ADAMTS20: variants seen among roughly 807,000 people sequenced by gnomAD.
The protein encoded by ADAMTS20 is A disintegrin and metalloproteinase with thrombospondin motifs 20.
In ADAMTS20, 225 loss-of-function variants were observed where a neutral mutation model predicts 260.1. The ratio of observed to expected loss-of-function variants is 0.87; its 90% confidence interval spans 0.78 to 0.97. ADAMTS20 has a LOEUF of 0.97. ADAMTS20 is among the 50% of genes least tolerant of loss of function. The pLI, the probability that ADAMTS20 is intolerant of heterozygous loss-of-function variation, is 0.00. For synonymous variants in ADAMTS20, 802 were observed against 769.5 expected, an observed-to-expected ratio of 1.04 and a Z score of -0.70; for missense variants, 2,400 against 2,337.7, an observed-to-expected ratio of 1.03 and a Z score of -0.55.
intron 28 of ADAMTS20, among the ~76,000 whole-genome samples, chr12:43,417,548 G>T (rs1941154488): frequency 6.6e-6 from 1 of 152,084 alleles, no homozygotes; most frequent in Non-Finnish European, 1.5e-5. Flanking sequence ...AGCGGTCAAT[G>T]GTGGCTATAA....
In ADAMTS20 at chr12:43,490,410, T is replaced by G; in HGVS notation, c.1102A>C (p.Lys368Gln). ...TREDICSSKE[K>Q]CNMLGLSYLG... ...AATAACTTACCTAACATGTTACATT[T>G]CTCTTTAGATGAACAAATGTCTTCC... Residue 368 changes from lysine (K) to glutamine (Q), a missense_variant, in exon 7 of 39, where the codon AAA becomes CAA. Physicochemically the swap from Lys to Gln is moderately conservative, Grantham distance 53. Coordinates refer to ENST00000389420, the MANE Select transcript of ADAMTS20 (RefSeq NM_025003.5). 1 of 1,290,924 alleles carries G rather than the reference T, an allele frequency of 7.7e-7. No homozygotes were observed. The highest frequency in any genetic ancestry group is 1.5e-5 in the African/African-American group (1 of 64,896). 80.0% of individuals were successfully genotyped at this position (1,290,924 alleles called of 1,614,324 possible). A position where few individuals can be genotyped will look rare whatever the true frequency, so the allele number is the denominator to read the frequency against.
chr12:43,406,587 T>C (rs1022012151), intron 28 of ADAMTS20, among the ~76,000 whole-genome samples: 1 of 152,082 alleles, frequency 6.6e-6, no homozygotes, highest in Non-Finnish European at 1.5e-5. Context: ...TCCCTGTATA[T>C]GTCTTTCATT....
At chr12:43,441,267 C>A (rs1475777630) in intron 16 of ADAMTS20, among the ~76,000 whole-genome samples, 1 of 151,670 alleles carries the variant, frequency 6.6e-6, no homozygotes, top group Admixed American at 6.6e-5. Flanking sequence ...CTCTTTTTCC[C>A]AGTGACAGAC....
At chr12:43,442,930 C>A (rs1341185519) in intron 16 of ADAMTS20, among the ~76,000 whole-genome samples, 1 of 152,148 alleles carries the variant, frequency 6.6e-6, no homozygotes, top group African/African-American at 2.4e-5. Flanking sequence ...CAGAAGGAAA[C>A]CTTGTACTCA....
intron 3 of ADAMTS20, among the ~76,000 whole-genome samples, chr12:43,529,366 A>C (rs1369911763): frequency 6.6e-6 from 1 of 152,184 alleles, no homozygotes; most frequent in Non-Finnish European, 1.5e-5. Flanking sequence ...TGTTTATTGC[A>C]GTCAAATTCA....
intron 3 of ADAMTS20, among the ~76,000 whole-genome samples, chr12:43,511,448 T>C (rs983158361): frequency 3.9e-5 from 6 of 152,018 alleles, no homozygotes; most frequent in African/African-American, 1.4e-4. Flanking sequence ...TTGGGCAATA[T>C]GTTCTGCCTT....
chr12:43,488,642 G>A (rs1316194127), intron 7 of ADAMTS20, among the ~76,000 whole-genome samples: 1 of 152,160 alleles, frequency 6.6e-6, no homozygotes, highest in East Asian at 1.9e-4. Flanking sequence ...TATAAAGGTA[G>A]AAGCAAAACA....
intron 28 of ADAMTS20, among the ~76,000 whole-genome samples, chr12:43,413,107 C>A (rs1436423061): frequency 6.6e-6 from 1 of 152,002 alleles, no homozygotes; most frequent in Non-Finnish European, 1.5e-5. Flanking sequence ...CCGTGCCTGG[C>A]CGGTAATAAT....
At chr12:43,420,813 T>C (rs1941216013) in intron 28 of ADAMTS20, among the ~76,000 whole-genome samples, 1 of 128,386 alleles carries the variant, frequency 7.8e-6, no homozygotes, top group African/African-American at 3.0e-5. Context: ...TTTTTTTTTT[T>C]TTTTTTTTTT....
At chr12:43,550,799 C>A in intron 2 of ADAMTS20, 110 bp downstream of exon 2, 1 of 1,411,848 alleles carries the variant, frequency 7.1e-7, no homozygotes, top group African/African-American at 1.4e-5. Context: ...TGTAGCCCAA[C>A]CTGAACTCCA....
chr12:43,483,892 G>T (rs1942479567), intron 7 of ADAMTS20, among the ~76,000 whole-genome samples: 1 of 152,162 alleles, frequency 6.6e-6, no homozygotes, highest in Non-Finnish European at 1.5e-5. Context: ...AGTGAATAAA[G>T]TAATTGGGAT....
chr12:43,497,276 T>G (rs1161539656), intron 4 of ADAMTS20, among the ~76,000 whole-genome samples: 3 of 152,200 alleles, frequency 2.0e-5, no homozygotes, highest in Admixed American at 6.5e-5. Flanking sequence ...AAGAAAATTC[T>G]AGGCAAAATA....
rs1318522871 is a variant in ADAMTS20 at position 43,427,573 on chromosome 12, C to CT, written c.3946-105dup. 37 of 1,113,322 alleles carry CT rather than the reference C, an allele frequency of 3.3e-5. No individual in the cohort carries two copies. The African/African-American group carries it at 4.3e-4, about 13-fold the overall frequency. 69.0% of individuals were successfully genotyped at this position (1,113,322 alleles called of 1,614,324 possible). ...GCATTGACTCAATCAAAATCAAACC[C>CT]TACATTAGAATCTCCTTCATTGGAA... On this transcript the variant is annotated intron_variant, in intron 26 of 38. Coordinates refer to ENST00000389420, the MANE Select transcript of ADAMTS20 (RefSeq NM_025003.5).
rs765596275 is a variant in ADAMTS20, at chr12:43,443,916, C to A, written c.2198-33G>T. ...ATAATTTTACATATGTTAAATTTCA[C>A]AAAAAGCAGATGGCCCAGAGGTTAT... On this transcript the variant is annotated intron_variant, in intron 15 of 38. Transcript: ENST00000389420. 16 of 1,575,334 alleles carry A rather than the reference C, an allele frequency of 1.0e-5. No individual in the cohort carries two copies. In the South Asian group the frequency reaches 1.8e-4, roughly 18 times the overall value.
At position 43,551,781 on chromosome 12, in the gene ADAMTS20, G is replaced by A. The variant is rs757865982; in HGVS notation, c.91+50C>T. 1 of 1,586,142 alleles carries A rather than the reference G, an allele frequency of 6.3e-7. No homozygotes were observed. Among genetic ancestry groups the A allele is most frequent in the South Asian group, 1.1e-5 (1 of 90,352 alleles). ...TCCCCGCGACCTGCATGTCCCACTC[G>A]GGCCCCGCGCCCCCACTTAGCCGCT... is the stretch of plus-strand genomic sequence containing the variant. On this transcript the variant is annotated intron_variant, in intron 1 of 38. Coordinates refer to ENST00000389420, the MANE Select transcript of ADAMTS20 (RefSeq NM_025003.5). The surrounding 1 kb of genome is among the most constrained non-coding windows in gnomAD (Gnocchi z 4.6).
chr12:43,491,249 G>T (rs1942595614), intron 6 of ADAMTS20, among the ~76,000 whole-genome samples: 2 of 152,064 alleles, frequency 1.3e-5, no homozygotes, highest in African/African-American at 2.4e-5. Flanking sequence ...TACTGTACAG[G>T]TTTGTAGCCT....
chr12:43,390,204 G>T (rs893166473), intron 29 of ADAMTS20, among the ~76,000 whole-genome samples: 1 of 152,154 alleles, frequency 6.6e-6, no homozygotes, highest in African/African-American at 2.4e-5. Flanking sequence ...ATGCTGTTGG[G>T]AGGCCATCCT....
chr12:43,366,478 T>C (rs575207893), intron 37 of ADAMTS20, among the ~76,000 whole-genome samples: 17 of 151,852 alleles, frequency 1.1e-4, no homozygotes, highest in Non-Finnish European at 2.4e-4. Flanking sequence ...CTGTAGTCTA[T>C]AGAACACTTC....
chr12:43,430,678 A>G (rs1000399940), intron 22 of ADAMTS20, among the ~76,000 whole-genome samples: 8 of 152,210 alleles, frequency 5.3e-5, no homozygotes, highest in African/African-American at 1.9e-4. Flanking sequence ...GAAGTTAACC[A>G]AACTGTACAA....
Sources: gnomAD v4.1 joint callset for allele counts (sites outside exome capture counted in the v4.1 genomes callset) on GRCh38, gnomAD v4.1.1 for gene constraint, Gnocchi (gnomAD v3.1) non-coding constraint, MANE v1.5 for transcripts, NCBI Gene and HGNC (gene_info 2026-07-23, HGNC 2026-07-21) for gene names.